The following ARCN1 variants were observed in gnomAD, a reference collection of about 807,000 sequenced individuals.
The protein encoded by ARCN1 is coatomer subunit delta.
Under a neutral mutation model 60.4 loss-of-function variants are expected in ARCN1, and 5 were observed. That is an observed-to-expected ratio of 0.08 (90% CI 0.04 to 0.17). The LOEUF (loss-of-function observed/expected upper bound fraction) is 0.17, where lower values mean the gene tolerates loss of function less well. Among genes scored for constraint, ARCN1 ranks in the 10% least tolerant of loss-of-function variants. The probability of loss-of-function intolerance (pLI) is 1.00; values close to 1 mark genes in which losing one functional copy is unlikely to be tolerated. For missense variants in ARCN1, 464 were observed against 626.5 expected (o/e 0.74, Z 2.77); for synonymous variants, 224 against 220.0 (o/e 1.02, Z -0.16).
chr11:118,591,698 G>T (rs1047497907), intron 6 of ARCN1, among the ~76,000 whole-genome samples: 4 of 149,860 alleles, frequency 2.7e-5, no homozygotes, highest in African/African-American at 7.3e-5. Flanking sequence ...GCCCTTCTGG[G>T]TTTTTTTTGT....
At position 118,601,405 on chromosome 11, in the gene ARCN1, A is replaced by G; in HGVS notation, c.*691A>G. 3 of 586,554 alleles carry G rather than the reference A, an allele frequency of 5.1e-6. No individual in the cohort carries two copies. The highest frequency in any genetic ancestry group is 9.1e-6 in the Non-Finnish European group (3 of 328,160). The allele number at this position is 586,554 out of a possible 1,614,324, so 36.3% of individuals were successfully genotyped here. Reference sequence around the variant, plus strand: ...CTAAATATAATCCCTAAATATAGTTATATTTCATACTTAGTTTGTTTTTAA... The same window carrying G: ...CTAAATATAATCCCTAAATATAGTTGTATTTCATACTTAGTTTGTTTTTAA... On this transcript the variant is annotated 3_prime_UTR_variant, in exon 10 of 10. Transcript: ENST00000264028.
intron 2 of ARCN1, among the ~76,000 whole-genome samples, chr11:118,582,910 A>T (rs1938692659): frequency 6.6e-6 from 1 of 151,598 alleles, no homozygotes; most frequent in Admixed American, 6.6e-5. Flanking sequence ...GCGTGGTGGT[A>T]CACACCTGTA....
intron 5 of ARCN1, among the ~76,000 whole-genome samples, chr11:118,588,138 T>C (rs1290613597): frequency 3.3e-5 from 5 of 152,298 alleles, no homozygotes; most frequent in African/African-American, 1.2e-4. Flanking sequence ...TTATGGAGAC[T>C]TCATTGGATA....
chr11:118,598,680 A>C (rs1939083879), intron 9 of ARCN1, among the ~76,000 whole-genome samples: 1 of 151,982 alleles, frequency 6.6e-6, no homozygotes, highest in Non-Finnish European at 1.5e-5. Flanking sequence ...TATTTGGTAG[A>C]GACGGGGTTT....
intron 1 of ARCN1, among the ~76,000 whole-genome samples, chr11:118,577,560 C>T (rs564568368): frequency 6.6e-6 from 1 of 152,272 alleles, no homozygotes; most frequent in Non-Finnish European, 1.5e-5. Flanking sequence ...GCTGTTTCTT[C>T]TATCAAGTCA....
rs1421936007 is a variant in ARCN1 at position 118,601,548 on chromosome 11, C to G, written c.*834C>G. ...TTACAGGCATTATATTTATTTGGCA[C>G]TCCTGGAACAAGTATATCTAACCCA... On this transcript the variant is annotated 3_prime_UTR_variant, in exon 10 of 10. Transcript: ENST00000264028. 1.5e-6 allele frequency: 1 copy of G among 676,890 alleles called. No individual in the cohort carries two copies. Among genetic ancestry groups the G allele is most frequent in the African/African-American group, 1.8e-5 (1 of 56,330 alleles). The allele number at this position is 676,890 out of a possible 1,614,324, so 41.9% of individuals were successfully genotyped here.
chr11:118,590,734 A>C (rs1938886031), intron 6 of ARCN1, among the ~76,000 whole-genome samples: 1 of 152,250 alleles, frequency 6.6e-6, no homozygotes, highest in Admixed American at 6.5e-5. Context: ...ATAAAAGGTC[A>C]TTTCGAAATC....
intron 8 of ARCN1, among the ~76,000 whole-genome samples, chr11:118,596,987 A>G (rs1160463129): frequency 1.3e-5 from 2 of 152,210 alleles, no homozygotes; most frequent in Non-Finnish European, 2.9e-5. Context: ...AGGCAAGTGG[A>G]TCACGGGGTC....
In ARCN1 at chr11:118,583,734, G is replaced by C. The variant is rs562540656; in HGVS notation, c.448-75G>C. On this transcript the variant is annotated intron_variant, in intron 3 of 9. Coordinates refer to ENST00000264028, the MANE Select transcript of ARCN1 (RefSeq NM_001655.5). ...GATTGTGCCACTTGCACTCCAGCCTGGGTCACAGAGTGAGACCCTGTCTCA... is the reference window on the plus strand; with the variant it reads ...GATTGTGCCACTTGCACTCCAGCCTCGGTCACAGAGTGAGACCCTGTCTCA... The C allele has an allele frequency of 1.8e-5, 27 of 1,483,260 alleles. No individual in the cohort carries two copies. In the East Asian group the frequency reaches 4.5e-4, roughly 25 times the overall value. The allele number at this position is 1,483,260 out of a possible 1,614,324, so 91.9% of individuals were successfully genotyped here. A position where few individuals can be genotyped will look rare whatever the true frequency, so the allele number is the denominator to read the frequency against.
chr11:118,582,116 T>C (rs1208128959), intron 2 of ARCN1, among the ~76,000 whole-genome samples: 1 of 151,546 alleles, frequency 6.6e-6, no homozygotes, highest in Non-Finnish European at 1.5e-5. Flanking sequence ...TATACTTTAG[T>C]GTGGGCAACA....
intron 1 of ARCN1, among the ~76,000 whole-genome samples, chr11:118,577,610 A>T (rs1328569950): frequency 1.3e-5 from 2 of 152,104 alleles, no homozygotes; most frequent in African/African-American, 4.8e-5. Flanking sequence ...CTTCCTCTGA[A>T]TTTCCACGCA....
At position 118,583,929 on chromosome 11, in the gene ARCN1, G is replaced by T. The variant is rs782006994; in HGVS notation, c.568G>T (p.Ala190Ser). The change falls in exon 4 of 10, where the codon GCA (alanine) becomes TCA (serine). Residue 190 changes from alanine (A) to serine (S), a missense_variant. By Grantham distance (99) the Ala-to-Ser change is moderately conservative. Coordinates refer to ENST00000264028, the MANE Select transcript of ARCN1 (RefSeq NM_001655.5). ...AGGATTTGGCGGATTTGGCAGCTCT[G>T]CAGTATCTGGAGGCAGCACAGCTGC... Reference protein sequence around the residue: ...APGFGGFGSSAVSGGSTAAMI... With the variant: ...APGFGGFGSSSVSGGSTAAMI... 1 of 1,614,248 alleles carries T rather than the reference G, an allele frequency of 6.2e-7. No individual in the cohort carries two copies. The highest frequency in any genetic ancestry group is 1.1e-5 in the South Asian group (1 of 91,088).
chr11:118,597,717 G>A lies in ARCN1; in HGVS notation c.1252G>A (p.Gly418Ser), dbSNP rs1555077420. The A allele has an allele frequency of 5.6e-6, 9 of 1,614,018 alleles. No individual in the cohort carries two copies. Among genetic ancestry groups the A allele is most frequent in the East Asian group, 2.2e-5 (1 of 44,886 alleles). Residue 418 changes from glycine (G) to serine (S), a missense_variant, in exon 9 of 10, where the codon GGC (glycine) becomes AGC (serine). By Grantham distance (56) the Gly-to-Ser change is moderately conservative (BLOSUM62 0). Around this residue, in one of 2 missense-constraint regions of ARCN1, gnomAD observed 359 missense variants for 440.2 expected, o/e 0.82. Coordinates refer to ENST00000264028, the MANE Select transcript of ARCN1 (RefSeq NM_001655.5). The part of the protein sequence containing the change: ...VITIPLPSGV[G>S]APVIGEIDGE... Reference sequence around the variant, plus strand: ...TGTTTCTCACAACAGGTCTGGTGTCGGCGCGCCTGTTATCGGTGAGATCGA... The same window carrying A: ...TGTTTCTCACAACAGGTCTGGTGTCAGCGCGCCTGTTATCGGTGAGATCGA...
chr11:118,576,426 TAAAAAAAAA>T (rs10671866), intron 1 of ARCN1, among the ~76,000 whole-genome samples: 1 of 108,778 alleles, frequency 9.2e-6, no homozygotes, highest in African/African-American at 3.5e-5. Flanking sequence ...CCAAAAATGT[TAAAAAAAAA>T]AAAAAAAAAA....
chr11:118,572,866 G>C (rs1451991601), intron 1 of ARCN1: 2 of 385,590 alleles, frequency 5.2e-6, no homozygotes, highest in Non-Finnish European at 9.4e-6. Flanking sequence ...GGTGGTGCGG[G>C]TCCCAGGCTG....
intron 9 of ARCN1, among the ~76,000 whole-genome samples, chr11:118,598,701 G>A (rs1414354274): frequency 6.6e-6 from 1 of 151,772 alleles, no homozygotes; most frequent in Non-Finnish European, 1.5e-5. Context: ...CTCCATGTTG[G>A]TCAGGCTGGT....
At chr11:118,580,456 A>G (rs1938625282) in intron 1 of ARCN1, among the ~76,000 whole-genome samples, 1 of 152,202 alleles carries the variant, frequency 6.6e-6, no homozygotes, top group Non-Finnish European at 1.5e-5. Context: ...ATTTTAGTTC[A>G]ATATAAAGTC....
chr11:118,584,063 CTA>C (rs1555075110), intron 4 of ARCN1, 49 bp downstream of exon 4: 1 of 1,535,798 alleles, frequency 6.5e-7, no homozygotes, highest in South Asian at 1.2e-5. Context: ...GTATATGTGT[CTA>C]TCTTTGAAGT....
At chr11:118,579,448 G>T (rs1437206820) in intron 1 of ARCN1, among the ~76,000 whole-genome samples, 1 of 151,486 alleles carries the variant, frequency 6.6e-6, no homozygotes, top group Non-Finnish European at 1.5e-5. Context: ...GAGGTGGGCA[G>T]ATCACCCGAG....
Sources: gnomAD v4.1 joint callset for allele counts (sites outside exome capture counted in the v4.1 genomes callset) on GRCh38, gnomAD v4.1.1 for gene constraint, gnomAD v4.1.1 regional missense constraint, MANE v1.5 for transcripts, NCBI Gene and HGNC (gene_info 2026-07-23, HGNC 2026-07-21) for gene names.